Variants in CCDC32 observed in about 807,000 individuals in gnomAD.
CCDC32 encodes coiled-coil domain-containing protein 32.
CCDC32 carries 9 observed loss-of-function variants against 20.1 expected under a neutral mutation model. The observed-to-expected ratio is 0.45, with a 90% CI of 0.27 to 0.78. The LOEUF (loss-of-function observed/expected upper bound fraction) is 0.78, where lower values mean the gene tolerates loss of function less well. Among genes scored for constraint, CCDC32 ranks in the 30% least tolerant of loss-of-function variants. CCDC32 has a pLI of 0.16. For synonymous variants in CCDC32, 63 were observed against 79.0 expected (o/e 0.80, Z 1.07); for missense variants, 204 against 215.5 (o/e 0.95, Z 0.33).
At chr15:40,539,782 G>A (rs1889296711) in intron 3 of CCDC32, among the ~76,000 whole-genome samples, 2 of 150,238 alleles carry the variant, frequency 1.3e-5, no homozygotes, top group Admixed American at 1.3e-4. Context: ...TCCTCTGGCT[G>A]GACAACATTT....
At chr15:40,522,384 A>C in the CCDC32 span, among the ~76,000 whole-genome samples, 1 of 152,136 alleles carries the variant, frequency 6.6e-6, no homozygotes, top group Non-Finnish European at 1.5e-5. Flanking sequence ...TGAAATTAGG[A>C]AGTGTGAGCC....
downstream of CCDC32, among the ~76,000 whole-genome samples, chr15:40,530,957 ATC>A (rs1888856639): frequency 6.6e-6 from 1 of 151,674 alleles, no homozygotes; most frequent in Non-Finnish European, 1.5e-5. Context: ...CAATCCACCC[ATC>A]TCAGCCTTCA....
chr15:40,548,507 A>C (rs1162464854), downstream of CCDC32, among the ~76,000 whole-genome samples: 1 of 152,224 alleles, frequency 6.6e-6, no homozygotes, highest in African/African-American at 2.4e-5. Flanking sequence ...TAGTGGTTTA[A>C]ACCATGACAT....
At chr15:40,541,069 T>C (rs919987216) in intron 3 of CCDC32, among the ~76,000 whole-genome samples, 2 of 152,222 alleles carry the variant, frequency 1.3e-5, no homozygotes, top group African/African-American at 4.8e-5. Context: ...GGAAAGAGAC[T>C]GTGCCAGATG....
chr15:40,543,140 T>TA (rs147088623), intron 3 of CCDC32, among the ~76,000 whole-genome samples: 39,450 of 139,904 alleles, frequency 0.28, 6,360 homozygotes, highest in Middle Eastern at 0.39. Flanking sequence ...AGACTCTGTC[T>TA]AAAAAAAAAA....
the CCDC32 span, among the ~76,000 whole-genome samples, chr15:40,522,270 A>C: frequency 0.011 from 1,647 of 152,292 alleles, 21 homozygotes; most frequent in Non-Finnish European, 0.016. Context: ...TTAATCATAA[A>C]TGAAAGGGTA....
chr15:40,554,126 T>C lies in CCDC32; in HGVS notation c.403A>G (p.Thr135Ala), dbSNP rs200019387. 1 of 1,611,370 alleles carries C rather than the reference T, an allele frequency of 6.2e-7. No homozygotes were observed. The highest frequency in any genetic ancestry group is 8.5e-7 in the Non-Finnish European group (1 of 1,178,202). ...AGCCACCTCTTGAAATGTTCCAAGG[T>C]GCTATGAAAGGGCAGAATAAAAGGG... ...FVDGLDSDESTLEHFKRWLQP... is the reference protein window; with the variant it reads ...FVDGLDSDESALEHFKRWLQP... The change falls in exon 4 of 4, where the codon ACC becomes GCC. Residue 135 changes from threonine to alanine, a missense_variant and splice_region_variant. Thr to Ala is a moderately conservative substitution (Grantham distance 58). Coordinates refer to ENST00000416810, the MANE Select transcript of CCDC32 (RefSeq NM_001080792.4).
chr15:40,558,890 G>A (rs1484920942), intron 2 of CCDC32, among the ~76,000 whole-genome samples: 4 of 146,986 alleles, frequency 2.7e-5, no homozygotes, highest in Non-Finnish European at 1.5e-5. Context: ...TGCAAGCTCC[G>A]CCTCCTGGGT....
chr15:40,558,870 C>G (rs1890431069), intron 2 of CCDC32, among the ~76,000 whole-genome samples: 1 of 148,442 alleles, frequency 6.7e-6, no homozygotes, highest in South Asian at 2.1e-4. Context: ...CACGATCTCA[C>G]TCAGCTCACT....
intron 3 of CCDC32, chr15:40,529,429 A>G (rs1045483709): frequency 2.0e-5 from 3 of 152,256 alleles, no homozygotes; most frequent in African/African-American, 7.2e-5. Flanking sequence ...GTTTATATGC[A>G]GAGAGAAAAA....
At chr15:40,537,074 G>A (rs558870534), downstream of CCDC32, 1 of 152,442 alleles carries the variant, frequency 6.6e-6, no homozygotes, top group South Asian at 2.1e-4. Flanking sequence ...GGAGCGAGAA[G>A]GGAAGGATTC....
downstream of CCDC32, among the ~76,000 whole-genome samples, chr15:40,550,673 T>C (rs188355649): frequency 2.0e-5 from 3 of 152,348 alleles, no homozygotes; most frequent in East Asian, 3.9e-4. Context: ...GTTTACGCTG[T>C]CACCTCTAAA....
chr15:40,535,031 C>A (rs988744678), downstream of CCDC32: 5 of 710,596 alleles, frequency 7.0e-6, no homozygotes, highest in Admixed American at 1.0e-4. Context: ...GGAAGGAAAT[C>A]AGTTTGGGAA....
chr15:40,563,079 A>G, intron 1 of CCDC32, 52 bp from the exon 2 acceptor site: 1 of 1,575,774 alleles, frequency 6.3e-7, no homozygotes. Flanking sequence ...AATACAGCAT[A>G]AGGTTGAGCA....
chr15:40,559,799 T>C (rs1890496463), intron 2 of CCDC32, among the ~76,000 whole-genome samples: 1 of 152,224 alleles, frequency 6.6e-6, no homozygotes, highest in African/African-American at 2.4e-5. Context: ...GGTTTGTAGC[T>C]GATCTTCGAC....
intron 2 of CCDC32, 72 bp downstream of exon 2, chr15:40,562,700 A>C (rs1431974936): frequency 9.3e-6 from 14 of 1,512,954 alleles, no homozygotes; most frequent in East Asian, 2.3e-5. Context: ...AATAACAACA[A>C]CACAAAAGAA....
chr15:40,550,821 C>T (rs117325743), downstream of CCDC32, among the ~76,000 whole-genome samples: 288 of 152,268 alleles, frequency 1.9e-3, no homozygotes, highest in Admixed American at 3.5e-3. Context: ...TCCTCTAAAG[C>T]GATTCTCCAC....
At chr15:40,550,197 C>T (rs1312027178), downstream of CCDC32, among the ~76,000 whole-genome samples, 5 of 152,148 alleles carry the variant, frequency 3.3e-5, no homozygotes, top group Admixed American at 1.3e-4. Flanking sequence ...CGGCTTGGCC[C>T]GTGTTGGTGA....
At chr15:40,532,714 CTTTTTTTTTTT>C (rs1189285245), downstream of CCDC32, among the ~76,000 whole-genome samples, 2 of 91,486 alleles carry the variant, frequency 2.2e-5, no homozygotes, top group South Asian at 3.6e-4. Flanking sequence ...TGTTTTCTTT[CTTTTTTTTTTT>C]TTTTTTTTTT....
Sources: allele counts gnomAD v4.1 joint callset (sites outside exome capture counted in the v4.1 genomes callset), GRCh38; gene constraint gnomAD v4.1.1; transcripts MANE v1.5; gene names NCBI Gene and HGNC (gene_info 2026-07-23, HGNC 2026-07-21).